TMEM74: variants seen among roughly 807,000 people sequenced by gnomAD.
The protein encoded by TMEM74 is transmembrane protein 74.
In TMEM74, 13 loss-of-function variants were observed where a neutral mutation model predicts 18.1. That is an observed-to-expected ratio of 0.72 (90% confidence interval 0.47 to 1.14). The LOEUF is 1.14. Ranked by LOEUF, TMEM74 falls within the 50% of genes most tolerant of loss-of-function variation. The pLI, the probability that TMEM74 is intolerant of heterozygous loss-of-function variation, is 0.00. For synonymous variants in TMEM74, 159 were observed against 146.6 expected (o/e 1.08, Z -0.61); for missense variants, 372 against 375.9 (o/e 0.99, Z 0.09).
chr8:108,682,142 G>A (rs1467097510), intron 1 of TMEM74, among the ~76,000 whole-genome samples: 1 of 152,004 alleles, frequency 6.6e-6, no homozygotes, highest in Non-Finnish European at 1.5e-5. Flanking sequence ...GGTTCATTAT[G>A]CTCAGGTATT....
In TMEM74 at chr8:108,783,256, A is replaced by G. The variant is rs140220313; in HGVS notation, c.*925T>C. ...GTGGTTTTCCCCAAACAGCAATAAC[A>G]AGATGTTACCTGGAAGCACACCAGA... is the stretch of plus-strand genomic sequence containing the variant. On this transcript the variant is annotated 3_prime_UTR_variant, in exon 2 of 2. Transcript: ENST00000297459. 6.6e-6 allele frequency among the ~76,000 whole-genome samples: 1 copy of G among 152,266 alleles called. No homozygotes were observed. Among genetic ancestry groups the G allele is most frequent in the African/African-American group, 2.4e-5 (1 of 41,532 alleles).
chr8:108,756,596 GAGA>G (rs1813965455), intron 1 of TMEM74, among the ~76,000 whole-genome samples: 14 of 53,272 alleles, frequency 2.6e-4, no homozygotes, highest in African/African-American at 1.1e-3. Flanking sequence ...AAGAAAGAAA[GAGA>G]AAGGAAGGAA....
Position 108,784,425 on chromosome 8 carries a change from C to T in TMEM74, c.674G>A (p.Gly225Glu). The T allele has an allele frequency of 6.2e-7, 1 of 1,614,136 alleles. No individual in the cohort carries two copies. The highest frequency in any genetic ancestry group is 1.1e-5 in the South Asian group (1 of 91,082). ...ERLEKESARL[G>E]AHLDRCVIAG... ...AATCACACAGCGGTCCAGGTGAGCC[C>T]CCAGCCTCGCACTCTCCTTCTCCAG... The change falls in exon 2 of 2, where the codon GGG (glycine) becomes GAG (glutamate). Residue 225 changes from glycine (G) to glutamate (E), a missense_variant. Physicochemically the swap from Gly to Glu is moderately conservative, Grantham distance 98. Coordinates refer to ENST00000297459, the MANE Select transcript of TMEM74 (RefSeq NM_153015.3).
chr8:108,622,900 A>T (rs1812457337), intron 2 of TMEM74, among the ~76,000 whole-genome samples: 1 of 152,092 alleles, frequency 6.6e-6, no homozygotes. Flanking sequence ...CTTACTGTAC[A>T]CCAGGCATAT....
rs565415813 is a variant in TMEM74, at chr8:108,644,353, C to A, written n.264+10940G>T. ...TTTTTACCAGATGCAAAAATTAACTCAAGATGGATTAAATATTTAAATATT... is the reference window on the plus strand; with the variant it reads ...TTTTTACCAGATGCAAAAATTAACTAAAGATGGATTAAATATTTAAATATT... On this transcript the variant is annotated intron_variant and non_coding_transcript_variant, in intron 2 of 3. Transcript: ENST00000518838. Among the ~76,000 whole-genome samples, 42 of 152,192 alleles carry A rather than the reference C, an allele frequency of 2.8e-4. 1 individual carries two copies. Among genetic ancestry groups the A allele is most frequent in the African/African-American group, 7.9e-4 (33 of 41,540 alleles).
chr8:108,727,172 A>C (rs185064851), intron 1 of TMEM74, among the ~76,000 whole-genome samples: 81 of 152,316 alleles, frequency 5.3e-4, no homozygotes, highest in Middle Eastern at 6.8e-3. Context: ...GGGCCACTTA[A>C]GGCTTTTGGA....
intron 1 of TMEM74, among the ~76,000 whole-genome samples, chr8:108,766,226 T>C (rs1302593911): frequency 6.6e-6 from 1 of 151,922 alleles, no homozygotes; most frequent in Non-Finnish European, 1.5e-5. Context: ...CTTCCTTCCT[T>C]TCTTCTTTCT....
chr8:108,787,366 C>G (rs57960607), intron 1 of TMEM74, 110 bp downstream of exon 1: 2 of 152,254 alleles, frequency 1.3e-5, no homozygotes, highest in South Asian at 2.1e-4. Context: ...CCGCCTAGTA[C>G]TCGGAGACGA....
At chr8:108,668,628 C>A (rs1812972705) in intron 1 of TMEM74, among the ~76,000 whole-genome samples, 1 of 152,132 alleles carries the variant, frequency 6.6e-6, no homozygotes, top group Admixed American at 6.6e-5. Flanking sequence ...AAGGTCAAAG[C>A]ACACACCCAA....
At chr8:108,615,727 C>T (rs1363657728) in intron 2 of TMEM74, among the ~76,000 whole-genome samples, 4 of 151,048 alleles carry the variant, frequency 2.6e-5, no homozygotes, top group East Asian at 2.0e-4. Context: ...CAGCATGTCC[C>T]GTGGGGAGCT....
chr8:108,640,846 C>A (rs1812658755), intron 2 of TMEM74, among the ~76,000 whole-genome samples: 1 of 152,022 alleles, frequency 6.6e-6, no homozygotes, highest in African/African-American at 2.4e-5. Context: ...TAATTATTTC[C>A]AAAACAACAG....
intron 2 of TMEM74, among the ~76,000 whole-genome samples, chr8:108,642,352 C>A (rs1274840132): frequency 2.8e-5 from 4 of 144,666 alleles, no homozygotes; most frequent in Non-Finnish European, 6.0e-5. Context: ...TCAGCCGAGA[C>A]TGTGTCACTG....
intron 1 of TMEM74, among the ~76,000 whole-genome samples, chr8:108,762,811 C>T (rs1213877344): frequency 2.0e-5 from 3 of 151,958 alleles, no homozygotes; most frequent in South Asian, 2.1e-4. Flanking sequence ...GTGGGAGAAG[C>T]GGGAGAATTG....
chr8:108,666,723 T>C (rs1297024691), intron 1 of TMEM74, among the ~76,000 whole-genome samples: 1 of 152,124 alleles, frequency 6.6e-6, no homozygotes, highest in African/African-American at 2.4e-5. Context: ...ACATCCCATC[T>C]CTTGGCCCAG....
chr8:108,616,670 A>G (rs1314579645), intron 2 of TMEM74, among the ~76,000 whole-genome samples: 1 of 152,150 alleles, frequency 6.6e-6, no homozygotes, highest in African/African-American at 2.4e-5. Flanking sequence ...ATAAGAAGAC[A>G]CACCAACACA....
chr8:108,712,739 T>C (rs970275339), intron 1 of TMEM74, among the ~76,000 whole-genome samples: 3 of 152,108 alleles, frequency 2.0e-5, no homozygotes, highest in Non-Finnish European at 2.9e-5. Context: ...GTGTGTGTGT[T>C]GTATTTAATA....
chr8:108,640,290 T>C (rs1812651176), intron 2 of TMEM74, among the ~76,000 whole-genome samples: 1 of 151,428 alleles, frequency 6.6e-6, no homozygotes, highest in South Asian at 2.1e-4. Context: ...ATTTTTGTGT[T>C]TTTAGTAGAG....
chr8:108,640,382 G>A (rs1812652213), intron 2 of TMEM74, among the ~76,000 whole-genome samples: 1 of 151,762 alleles, frequency 6.6e-6, no homozygotes, highest in Admixed American at 6.6e-5. Context: ...CCAAAGTGCT[G>A]GGATTACAGG....
At chr8:108,758,351 C>T (rs1814002033) in intron 1 of TMEM74, among the ~76,000 whole-genome samples, 1 of 151,944 alleles carries the variant, frequency 6.6e-6, no homozygotes, top group Admixed American at 6.6e-5. Context: ...TAGAAAAACC[C>T]TACCAAGCAC....
Sources: allele counts gnomAD v4.1 joint callset (sites outside exome capture counted in the v4.1 genomes callset), GRCh38; gene constraint gnomAD v4.1.1; transcripts MANE v1.5; gene names NCBI Gene and HGNC (gene_info 2026-07-23, HGNC 2026-07-21).